Variants in LETM2 observed in about 807,000 individuals in gnomAD.
LETM2 encodes LETM1 domain-containing protein LETM2, mitochondrial.
In LETM2, 58 loss-of-function variants were observed where a neutral mutation model predicts 59.6. That is an observed-to-expected ratio of 0.97 (90% CI 0.79 to 1.21). The LOEUF is 1.21. Among genes scored for constraint, LETM2 ranks in the 50% most tolerant of loss-of-function variants. The probability of loss-of-function intolerance (pLI) is 0.00; values close to 1 mark genes in which losing one functional copy is unlikely to be tolerated. For missense variants in LETM2, 572 were observed against 575.7 expected (o/e 0.99, Z 0.07); for synonymous variants, 199 against 214.1 (o/e 0.93, Z 0.62).
chr8:38,407,834 A>G (rs1388314087), intron 10 of LETM2, among the ~76,000 whole-genome samples: 2 of 152,262 alleles, frequency 1.3e-5, no homozygotes, highest in Admixed American at 6.5e-5. Flanking sequence ...CATGTAAATA[A>G]GAAACTACTT....
Position 38,404,490 on chromosome 8 carries a change from T to C in LETM2, c.1202T>C (p.Ile401Thr), listed in dbSNP as rs1358672277. The part of the protein sequence containing the change: ...LIDVKPKPIE[I>T]PLSGEAPKTD... ...GATGTGAAGCCCAAGCCGATTGAGATACCACTCAGTGGGGAGGTGAGTACC... is the reference window on the plus strand; with the variant it reads ...GATGTGAAGCCCAAGCCGATTGAGACACCACTCAGTGGGGAGGTGAGTACC... Residue 401 changes from isoleucine to threonine, a missense_variant, in exon 8 of 11, where the codon ATA becomes ACA. Coordinates refer to ENST00000379957, the MANE Select transcript of LETM2 (RefSeq NM_001286819.2). 6.2e-7 allele frequency: 1 copy of C among 1,612,530 alleles called. No homozygotes were observed. Among genetic ancestry groups the C allele is most frequent in the African/African-American group, 1.3e-5 (1 of 74,890 alleles).
At chr8:38,401,206 G>A (rs1234559148) in intron 6 of LETM2, among the ~76,000 whole-genome samples, 153 bp downstream of exon 6, 3 of 152,120 alleles carry the variant, frequency 2.0e-5, no homozygotes, top group Non-Finnish European at 2.9e-5. Flanking sequence ...GCGCAATCCT[G>A]GCTTATTGCA....
At chr8:38,399,902 T>C (rs189272185) in intron 4 of LETM2, among the ~76,000 whole-genome samples, 131 of 151,800 alleles carry the variant, frequency 8.6e-4, no homozygotes, top group Admixed American at 1.3e-3. Flanking sequence ...GCCGAGATCG[T>C]GCCACTGCAC....
chr8:38,385,402 T>A (rs549411463), upstream of LETM2, among the ~76,000 whole-genome samples: 156 of 151,448 alleles, frequency 1.0e-3, 2 homozygotes, highest in South Asian at 8.4e-4. Flanking sequence ...AAAAAAAAAA[T>A]TTTTTTTTGA....
rs1043172293 is a variant in LETM2, at chr8:38,386,489, T to G, written c.-114T>G. On this transcript the variant is annotated 5_prime_UTR_variant, in exon 1 of 11. Transcript: ENST00000379957. ...AGAGGCGGAACCGTAGAGACTTGGC[T>G]TCGGGCCCTTCTAGCTTGGGGGTCC... 1 of 152,248 alleles carries G rather than the reference T, an allele frequency of 6.6e-6. No individual in the cohort carries two copies. The highest frequency in any genetic ancestry group is 2.4e-5 in the African/African-American group (1 of 41,440). 9.4% of individuals were successfully genotyped at this position (152,248 alleles called of 1,614,324 possible). A position where few individuals can be genotyped will look rare whatever the true frequency, so the allele number is the denominator to read the frequency against.
intron 7 of LETM2, among the ~76,000 whole-genome samples, chr8:38,404,029 A>T (rs1287071834): frequency 6.6e-6 from 1 of 152,004 alleles, no homozygotes; most frequent in Non-Finnish European, 1.5e-5. Context: ...ATAATTAGAA[A>T]ATTTTTTTGT....
At chr8:38,395,469 T>G (rs918421131) in intron 4 of LETM2, among the ~76,000 whole-genome samples, 1 of 152,186 alleles carries the variant, frequency 6.6e-6, no homozygotes, top group Non-Finnish European at 1.5e-5. Flanking sequence ...CTGTGCTTAT[T>G]TACCATTTGT....
intron 7 of LETM2, 70 bp downstream of exon 7, chr8:38,402,714 G>A (rs1416738118): frequency 4.7e-6 from 7 of 1,503,568 alleles, no homozygotes; most frequent in Middle Eastern, 2.1e-4. Flanking sequence ...ACCTCCTTAT[G>A]TGATTTCTCC....
intron 4 of LETM2, among the ~76,000 whole-genome samples, chr8:38,396,422 C>G (rs1208535646): frequency 6.6e-6 from 1 of 152,144 alleles, no homozygotes; most frequent in Admixed American, 6.5e-5. Flanking sequence ...CCTCAGTCTC[C>G]CAAAGTGCTG....
upstream of LETM2, among the ~76,000 whole-genome samples, chr8:38,383,724 A>T (rs374184750): frequency 6.6e-6 from 1 of 152,062 alleles, no homozygotes; most frequent in Non-Finnish European, 1.5e-5. Flanking sequence ...AGGTCCGGAA[A>T]TCGAGACCAT....
intron 10 of LETM2, 51 bp from the exon 11 acceptor site, chr8:38,408,161 G>T: frequency 1.4e-6 from 2 of 1,436,430 alleles, no homozygotes; most frequent in South Asian, 2.4e-5. Flanking sequence ...CACTCCTTAA[G>T]AACTTACACG....
In LETM2 at chr8:38,408,242, C is replaced by G. The variant is rs772863192; in HGVS notation, c.1444C>G (p.Gln482Glu). ...TLQAKSQMTA[Q>E]NSKASSKGA ...CCAGGCCAAATCACAAATGACGGCC[C>G]AGAACAGCAAGGCTAGTTCAAAAGG... The change falls in exon 11 of 11, where the codon CAG (glutamine) becomes GAG (glutamate). Residue 482 changes from glutamine (Q) to glutamate (E), a missense_variant. Physicochemically the swap from Gln to Glu is conservative, Grantham distance 29. Coordinates refer to ENST00000379957, the MANE Select transcript of LETM2 (RefSeq NM_001286819.2). 3 of 1,613,128 alleles carry G rather than the reference C, an allele frequency of 1.9e-6. No homozygotes were observed. Among genetic ancestry groups the G allele is most frequent in the Non-Finnish European group, 2.5e-6 (3 of 1,179,652 alleles).
rs536251891 is a variant in LETM2, at chr8:38,397,576, G to C, written c.646-2696G>C. On this transcript the variant is annotated intron_variant, in intron 4 of 10. Transcript: ENST00000379957. ...GGCAGTTCCAGGGCATCAATGACAG[G>C]AAACAGACAAAGTGATGTGTTGGGG... Among the ~76,000 whole-genome samples the C allele has an allele frequency of 5.3e-5, 8 of 152,294 alleles. No individual in the cohort carries two copies. In the South Asian group the frequency reaches 1.7e-3, roughly 32 times the overall value.
chr8:38,394,348 C>T, intron 4 of LETM2, 107 bp downstream of exon 4: 1 of 517,520 alleles, frequency 1.9e-6, no homozygotes, highest in Non-Finnish European at 3.3e-6. Flanking sequence ...CCAACCCCAT[C>T]CCAATTTCTC....
At chr8:38,402,678 C>G (rs1165860848) in intron 7 of LETM2, 34 bp downstream of exon 7, 2 of 1,609,554 alleles carry the variant, frequency 1.2e-6, no homozygotes, top group Admixed American at 3.3e-5. Flanking sequence ...GTCCTCTTCC[C>G]TAGAACTCTC....
intron 4 of LETM2, among the ~76,000 whole-genome samples, chr8:38,396,706 AC>A (rs987139464): frequency 1.6e-4 from 25 of 152,002 alleles, no homozygotes; most frequent in African/African-American, 6.0e-4. Context: ...CGAGTTCAAG[AC>A]CAGCCAGAGC....
At chr8:38,400,642 A>T in intron 5 of LETM2, 3 of 656,670 alleles carry the variant, frequency 4.6e-6, no homozygotes, top group Non-Finnish European at 7.6e-6. Flanking sequence ...TGGAGAGAAC[A>T]GTAGATTTAG....
intron 4 of LETM2, among the ~76,000 whole-genome samples, chr8:38,394,592 A>G (rs1174446386): frequency 6.6e-6 from 1 of 152,090 alleles, no homozygotes; most frequent in Non-Finnish European, 1.5e-5. Context: ...CTGTAATTCT[A>G]GCACTTTGGG....
chr8:38,386,073 C>T (rs959434172), upstream of LETM2: 2 of 152,258 alleles, frequency 1.3e-5, no homozygotes, highest in African/African-American at 2.4e-5. Context: ...ATCAAATCCT[C>T]TCAGCGCCCC....
Sources: gnomAD v4.1 joint callset for allele counts (sites outside exome capture counted in the v4.1 genomes callset) on GRCh38, gnomAD v4.1.1 for gene constraint, MANE v1.5 for transcripts, NCBI Gene and HGNC (gene_info 2026-07-23, HGNC 2026-07-21) for gene names.